The following PEDS1 variants were observed in gnomAD, a reference collection of about 807,000 sequenced individuals.
PEDS1 encodes plasmanylethanolamine desaturase 1.
PEDS1 carries 14 observed loss-of-function variants against 35.2 expected under a neutral mutation model. The observed-to-expected ratio is 0.40, with a 90% CI of 0.26 to 0.62. The LOEUF (loss-of-function observed/expected upper bound fraction) is 0.62, where lower values mean the gene tolerates loss of function less well. PEDS1 is among the 20% of genes least tolerant of loss of function. PEDS1 has a pLI of 0.44. For synonymous variants in PEDS1, 152 were observed against 152.0 expected, an observed-to-expected ratio of 1.00 and a Z score of 0.00; for missense variants, 260 against 367.8, an observed-to-expected ratio of 0.71 and a Z score of 2.40.
chr20:50,132,907 T>G (rs577615625), intron 2 of PEDS1, among the ~76,000 whole-genome samples: 2 of 152,096 alleles, frequency 1.3e-5, no homozygotes. Flanking sequence ...CACATGTCTA[T>G]GGGGAAACGC....
At chr20:50,141,640 A>T (rs531602425) in intron 2 of PEDS1, among the ~76,000 whole-genome samples, 1 of 152,356 alleles carries the variant, frequency 6.6e-6, no homozygotes, top group East Asian at 1.9e-4. Context: ...GCCTGCTCGT[A>T]ACCATCCCCA....
rs2081083024 is a variant in PEDS1 at position 50,124,890 on chromosome 20, A to T, written c.*168T>A. 1 of 830,114 alleles carries T rather than the reference A, an allele frequency of 1.2e-6. No individual in the cohort carries two copies. Among genetic ancestry groups the T allele is most frequent in the African/African-American group, 1.7e-5 (1 of 58,292 alleles). 51.4% of individuals were successfully genotyped at this position (830,114 alleles called of 1,614,324 possible). On this transcript the variant is annotated 3_prime_UTR_variant, in exon 6 of 6. Transcript: ENST00000371652. ...AAAAAAAAAAAAGAAATGAAAAATC[A>T]GTGGCTCAAGTATTCTGTGTCATGA...
intron 2 of PEDS1, among the ~76,000 whole-genome samples, chr20:50,137,690 G>A (rs1036102318): frequency 9.2e-5 from 14 of 152,180 alleles, no homozygotes; most frequent in Admixed American, 8.5e-4. Flanking sequence ...GGCCAACATG[G>A]TGAAATTCCA....
chr20:50,137,465 A>T (rs2081248667), intron 2 of PEDS1, among the ~76,000 whole-genome samples: 2 of 152,252 alleles, frequency 1.3e-5, no homozygotes, highest in South Asian at 2.1e-4. Flanking sequence ...ATGGCACTTC[A>T]CCTCTGAACT....
intron 2 of PEDS1, among the ~76,000 whole-genome samples, chr20:50,133,520 GTCTT>G (rs1375117704): frequency 6.6e-6 from 1 of 152,168 alleles, no homozygotes; most frequent in Non-Finnish European, 1.5e-5. Context: ...GGTCTGGGCA[GTCTT>G]GCCCATTTGT....
intron 2 of PEDS1, among the ~76,000 whole-genome samples, chr20:50,143,215 G>A (rs376406942): frequency 4.6e-5 from 7 of 152,270 alleles, no homozygotes; most frequent in East Asian, 1.9e-4. Context: ...CAGAGCCATG[G>A]CTGTACTCCT....
chr20:50,124,688 A>C lies in PEDS1; in HGVS notation c.*370T>G. 1 of 214,006 alleles carries C rather than the reference A, an allele frequency of 4.7e-6. No individual in the cohort carries two copies. The highest frequency in any genetic ancestry group is 5.2e-5 in the Admixed American group (1 of 19,300). The allele number at this position is 214,006 out of a possible 1,614,324, so 13.3% of individuals were successfully genotyped here. A position where few individuals can be genotyped will look rare whatever the true frequency, so the allele number is the denominator to read the frequency against. On this transcript the variant is annotated 3_prime_UTR_variant, in exon 6 of 6. Transcript: ENST00000371652. The stretch of plus-strand genomic sequence containing the variant: ...GGGCTCCCCAGACCACTGGGGCCAG[A>C]CAAGGAGGGAAAGAGGCAACTCACT...
intron 1 of PEDS1, chr20:50,151,250 T>C (rs1339596612): frequency 7.7e-7 from 1 of 1,304,238 alleles, no homozygotes; most frequent in East Asian, 5.6e-5. Context: ...TGATTGCAGA[T>C]TTGGGGCACC....
rs116859573 is a variant in PEDS1, at chr20:50,144,374, G to C, written c.122-753C>G. 7.7e-3 allele frequency among the ~76,000 whole-genome samples: 1,174 copies of C among 152,240 alleles called. 9 individuals carry two copies. Among genetic ancestry groups the C allele is most frequent in the Middle Eastern group, 0.024 (7 of 294 alleles). ...GAGGCTACAAACAACCTTTAATCCT[G>C]GTGGCTCACACCCTGCCCAGCCTCC... is the stretch of plus-strand genomic sequence containing the variant. On this transcript the variant is annotated intron_variant, in intron 1 of 5. Transcript: ENST00000371652.
chr20:50,144,062 G>A (rs936079038), intron 1 of PEDS1, among the ~76,000 whole-genome samples: 1 of 152,042 alleles, frequency 6.6e-6, no homozygotes, highest in East Asian at 1.9e-4. Flanking sequence ...ACAGACTCCC[G>A]CAAAGGAGTC....
At chr20:50,143,088 T>A (rs1035933286) in intron 2 of PEDS1, among the ~76,000 whole-genome samples, 5 of 151,868 alleles carry the variant, frequency 3.3e-5, no homozygotes, top group Non-Finnish European at 5.9e-5. Context: ...CAGCTAGCCA[T>A]GTGGAGACTG....
chr20:50,130,004 G>A (rs2081157489), intron 3 of PEDS1, among the ~76,000 whole-genome samples: 1 of 152,156 alleles, frequency 6.6e-6, no homozygotes, highest in African/African-American at 2.4e-5. Flanking sequence ...CAAGGCAGTT[G>A]AGGAGGTCCC....
intron 5 of PEDS1, among the ~76,000 whole-genome samples, chr20:50,125,816 C>G (rs2081096831): frequency 6.6e-6 from 1 of 152,164 alleles, no homozygotes; most frequent in South Asian, 2.1e-4. Context: ...TGGTCTCGAT[C>G]TCTTGACCTC....
At chr20:50,142,682 G>GCGCCCCCCCC (rs2081303387) in intron 2 of PEDS1, among the ~76,000 whole-genome samples, 1 of 33,932 alleles carries the variant, frequency 2.9e-5, no homozygotes, top group African/African-American at 1.2e-4. Context: ...CAAGTCATCC[G>GCGCCCCCCCC]CCCCCCCCCC....
chr20:50,150,067 G>A (rs115703017), intron 1 of PEDS1, among the ~76,000 whole-genome samples: 137 of 152,266 alleles, frequency 9.0e-4, no homozygotes, highest in African/African-American at 3.2e-3. Context: ...GCCTAACCCC[G>A]ATCAGGGTGA....
intron 1 of PEDS1, among the ~76,000 whole-genome samples, chr20:50,145,093 T>G (rs2081332404): frequency 6.6e-6 from 1 of 151,646 alleles, no homozygotes; most frequent in African/African-American, 2.4e-5. Flanking sequence ...TCCCAGCTAT[T>G]CGGGAGGCTG....
Position 50,124,862 on chromosome 20 carries a change from GAAAA to G in PEDS1, c.*192_*195del. ...CTCAGGTGGCTGAGGAGGGGCCGAG[GAAAA>G]AAAAAAAAAAGAAATGAAAAATCAG... is the stretch of plus-strand genomic sequence containing the variant. On this transcript the variant is annotated 3_prime_UTR_variant, in exon 6 of 6. Coordinates refer to ENST00000371652, the MANE Select transcript of PEDS1 (RefSeq NM_199129.4). The G allele has an allele frequency of 6.8e-5, 36 of 526,416 alleles. No homozygotes were observed. The highest frequency in any genetic ancestry group is 7.5e-5 in the South Asian group (3 of 39,822). The allele number at this position is 526,416 out of a possible 1,614,324, so 32.6% of individuals were successfully genotyped here. A position where few individuals can be genotyped will look rare whatever the true frequency, so the allele number is the denominator to read the frequency against.
chr20:50,126,790 CTG>C (rs937736265), intron 5 of PEDS1, among the ~76,000 whole-genome samples: 3 of 152,212 alleles, frequency 2.0e-5, no homozygotes, highest in Non-Finnish European at 4.4e-5. Flanking sequence ...TGGCTGCTAA[CTG>C]AGCATGGCAC....
chr20:50,142,579 C>G (rs891941583), intron 2 of PEDS1, among the ~76,000 whole-genome samples: 1 of 151,732 alleles, frequency 6.6e-6, no homozygotes, highest in Non-Finnish European at 1.5e-5. Context: ...CTGGGACCTA[C>G]AGGCGCCTGC....
Sources: allele counts gnomAD v4.1 joint callset (sites outside exome capture counted in the v4.1 genomes callset), GRCh38; gene constraint gnomAD v4.1.1; transcripts MANE v1.5; gene names NCBI Gene and HGNC (gene_info 2026-07-23, HGNC 2026-07-21).